NME7: variants seen among roughly 807,000 people sequenced by gnomAD.
NME7 encodes the protein NME/NM23 family member 7.
NME7 carries 41 observed loss-of-function variants against 49.1 expected under a neutral mutation model. The observed-to-expected ratio is 0.83, with a 90% CI of 0.65 to 1.08. The LOEUF (loss-of-function observed/expected upper bound fraction) is 1.08, where lower values mean the gene tolerates loss of function less well. Ranked by LOEUF, NME7 falls within the 50% of genes least tolerant of loss-of-function variation. The probability of loss-of-function intolerance (pLI) is 0.00; values close to 1 mark genes in which losing one functional copy is unlikely to be tolerated. For missense variants in NME7, 423 were observed against 463.4 expected, an observed-to-expected ratio of 0.91 and a Z score of 0.80; for synonymous variants, 139 against 150.6, an observed-to-expected ratio of 0.92 and a Z score of 0.56.
chr1:169,315,513 G>A lies in NME7; in HGVS notation c.279-5433C>T, dbSNP rs186830096. Among the ~76,000 whole-genome samples, 27 of 151,986 alleles carry A rather than the reference G, an allele frequency of 1.8e-4. No homozygotes were observed. The East Asian group carries it at 1.9e-3, about 11-fold the overall frequency. The stretch of plus-strand genomic sequence containing the variant: ...ACTCCTGACCTCAACTGATCCACCC[G>A]CCTCAGCCTCCCAAAGTGCTGGGAT... On this transcript the variant is annotated intron_variant, in intron 3 of 11. Coordinates refer to ENST00000367811, the MANE Select transcript of NME7 (RefSeq NM_013330.5).
intron 10 of NME7, among the ~76,000 whole-genome samples, chr1:169,228,491 C>T (rs1188959832): frequency 2.0e-5 from 3 of 151,402 alleles, no homozygotes; most frequent in African/African-American, 7.3e-5. Context: ...TCCTGGCTAA[C>T]AAGGTGAAAC....
chr1:169,181,014 A>C (rs2101748361), intron 10 of NME7, among the ~76,000 whole-genome samples: 1 of 152,278 alleles, frequency 6.6e-6, no homozygotes, highest in Non-Finnish European at 1.5e-5. Flanking sequence ...CTGAGCCAAG[A>C]CTAATAATAT....
At chr1:169,324,344 C>G (rs1020679557) in intron 2 of NME7, 49 bp downstream of exon 2, 1 of 1,172,268 alleles carries the variant, frequency 8.5e-7, no homozygotes, top group East Asian at 2.3e-5. Flanking sequence ...GCAATGGTTC[C>G]CATGTTCACC....
intron 1 of NME7, among the ~76,000 whole-genome samples, chr1:169,332,259 T>C (rs971201501): frequency 3.9e-5 from 6 of 152,072 alleles, no homozygotes; most frequent in African/African-American, 1.4e-4. Flanking sequence ...GAAAACTAGA[T>C]GTCTATATGC....
intron 4 of NME7, chr1:169,303,540 C>T (rs1651052486): frequency 6.3e-6 from 1 of 157,932 alleles, no homozygotes; most frequent in Non-Finnish European, 1.4e-5. Flanking sequence ...CAACCTCCAC[C>T]TCCTGGGTTC....
intron 10 of NME7, among the ~76,000 whole-genome samples, chr1:169,187,294 T>C (rs1660094208): frequency 6.6e-6 from 1 of 152,172 alleles, no homozygotes; most frequent in South Asian, 2.1e-4. Context: ...AAGTCCTGAA[T>C]ATCCTTGTTA....
intron 10 of NME7, among the ~76,000 whole-genome samples, chr1:169,216,059 G>A (rs956700569): frequency 3.3e-5 from 5 of 152,208 alleles, no homozygotes; most frequent in African/African-American, 1.2e-4. Flanking sequence ...CCTGAAATTT[G>A]CTAAAAGAGT....
chr1:169,274,035 C>T (rs1333258243), intron 7 of NME7, among the ~76,000 whole-genome samples: 4 of 131,082 alleles, frequency 3.1e-5, no homozygotes, highest in South Asian at 2.4e-4. Context: ...CCTGAGGAAT[C>T]GCCACACTGA....
At chr1:169,133,174 T>C (rs1422609895) in intron 11 of NME7, among the ~76,000 whole-genome samples, 2 of 152,246 alleles carry the variant, frequency 1.3e-5, no homozygotes, top group African/African-American at 4.8e-5. Context: ...ACCTTGCTTT[T>C]TGGTTCAGGG....
intron 3 of NME7, among the ~76,000 whole-genome samples, chr1:169,318,999 A>AT (rs1433109231): frequency 6.6e-6 from 1 of 151,622 alleles, no homozygotes; most frequent in Admixed American, 6.6e-5. Flanking sequence ...GAAGAGGTAC[A>AT]TTTTTTGTAT....
intron 7 of NME7, among the ~76,000 whole-genome samples, chr1:169,256,876 G>A (rs1648962989): frequency 7.6e-6 from 1 of 132,154 alleles, no homozygotes; most frequent in South Asian, 2.4e-4. Context: ...TAGGCTGCTT[G>A]GGGGTCAGGG....
At chr1:169,313,207 G>GAA (rs35862763) in intron 3 of NME7, among the ~76,000 whole-genome samples, 1,668 of 126,124 alleles carry the variant, frequency 0.013, 19 homozygotes, top group Middle Eastern at 0.03. Context: ...GGACAAAAGT[G>GAA]AAAAAAAAAA....
At chr1:169,278,788 C>T (rs1024030101) in intron 7 of NME7, among the ~76,000 whole-genome samples, 10 of 152,154 alleles carry the variant, frequency 6.6e-5, no homozygotes, top group African/African-American at 2.2e-4. Flanking sequence ...AGTTTTTCTG[C>T]TGTGTTTTTT....
rs185698991 is a variant in NME7, at chr1:169,313,515, C to T, written c.279-3435G>A. ...ACTGCTAATGCCTATGGGAAAAAGA[C>T]AGAAGCAAAGACAATTAATTCCCTC... On this transcript the variant is annotated intron_variant, in intron 3 of 11. Transcript: ENST00000367811. 3.2e-4 allele frequency among the ~76,000 whole-genome samples: 48 copies of T among 152,258 alleles called. 1 individual carries two copies. The highest frequency in any genetic ancestry group is 2.6e-3 in the Admixed American group (39 of 15,292).
intron 1 of NME7, among the ~76,000 whole-genome samples, chr1:169,365,780 A>C (rs1182300908): frequency 6.6e-6 from 1 of 152,228 alleles, no homozygotes; most frequent in Non-Finnish European, 1.5e-5. Flanking sequence ...TGTAAAAGTC[A>C]CTATTAAAAT....
chr1:169,322,191 GTTCT>G (rs1386398838), intron 3 of NME7: 1 of 152,148 alleles, frequency 6.6e-6, no homozygotes, highest in African/African-American at 2.4e-5. Flanking sequence ...TCTACAAGTT[GTTCT>G]TTCTCTTCCA....
At chr1:169,188,608 T>G (rs1660139955) in intron 10 of NME7, among the ~76,000 whole-genome samples, 1 of 152,200 alleles carries the variant, frequency 6.6e-6, no homozygotes. Flanking sequence ...TTCCAGCTAT[T>G]TTTCAGAAAG....
intron 11 of NME7, chr1:169,168,743 C>T (rs555994053): frequency 1.4e-4 from 54 of 395,714 alleles, no homozygotes; most frequent in African/African-American, 8.8e-4. Context: ...GGAGCTTCAT[C>T]GATAACAAAA....
At chr1:169,364,532 C>T (rs894101385) in intron 1 of NME7, among the ~76,000 whole-genome samples, 5 of 151,364 alleles carry the variant, frequency 3.3e-5, no homozygotes, top group African/African-American at 1.2e-4. Context: ...ACACATATGC[C>T]ACCGCACCTG....
Sources: gnomAD v4.1 joint callset for allele counts (sites outside exome capture counted in the v4.1 genomes callset) on GRCh38, gnomAD v4.1.1 for gene constraint, MANE v1.5 for transcripts, NCBI Gene and HGNC (gene_info 2026-07-23, HGNC 2026-07-21) for gene names.